Variants in NPSR1 observed in about 807,000 individuals in gnomAD.
NPSR1 encodes the protein neuropeptide S receptor 1.
NPSR1 carries 48 observed loss-of-function variants against 46.9 expected under a neutral mutation model. The observed-to-expected ratio is 1.02, with a 90% CI of 0.81 to 1.30. NPSR1 has a LOEUF of 1.30. NPSR1 is among the 50% of genes most tolerant of loss of function. NPSR1 has a pLI of 0.00. For missense variants in NPSR1, 450 were observed against 449.5 expected (o/e 1.00, Z -0.01); for synonymous variants, 176 against 168.1 (o/e 1.05, Z -0.36).
At chr7:34,874,156 G>A (rs1791524269) in intron 8 of NPSR1, among the ~76,000 whole-genome samples, 1 of 148,652 alleles carries the variant, frequency 6.7e-6, no homozygotes, top group African/African-American at 2.6e-5. Context: ...ACTAGAGGAC[G>A]GTCCTCACCC....
chr7:34,861,779 GC>G (rs1313560775), intron 8 of NPSR1, among the ~76,000 whole-genome samples: 1 of 151,876 alleles, frequency 6.6e-6, no homozygotes, highest in African/African-American at 2.4e-5. Context: ...AATTCATGAT[GC>G]ATGGTTCAGC....
At chr7:34,811,298 C>A (rs34556048) in intron 3 of NPSR1, among the ~76,000 whole-genome samples, 2 of 151,876 alleles carry the variant, frequency 1.3e-5, no homozygotes, top group African/African-American at 4.8e-5. Flanking sequence ...ATGATCTTCC[C>A]CTGGAGTTTG....
chr7:34,724,390 T>A (rs1449441592), intron 2 of NPSR1, among the ~76,000 whole-genome samples: 1 of 152,208 alleles, frequency 6.6e-6, no homozygotes, highest in Admixed American at 6.5e-5. Context: ...ATAGCTTTAC[T>A]TCCTGACATC....
chr7:34,735,681 G>A (rs139159881), intron 2 of NPSR1, among the ~76,000 whole-genome samples: 36 of 152,286 alleles, frequency 2.4e-4, no homozygotes, highest in African/African-American at 8.2e-4. Flanking sequence ...TCATTTCTTT[G>A]AAACAGTAGT....
intron 1 of NPSR1, among the ~76,000 whole-genome samples, chr7:34,658,943 A>C (rs2128667100): frequency 6.6e-6 from 1 of 152,300 alleles, no homozygotes; most frequent in Non-Finnish European, 1.5e-5. Flanking sequence ...GGAACACCAG[A>C]GATGCGGAAA....
chr7:34,827,559 A>G lies in NPSR1; in HGVS notation c.637A>G (p.Ile213Val). 2.0e-6 allele frequency: 3 copies of G among 1,473,130 alleles called. No homozygotes were observed. The highest frequency in any genetic ancestry group is 1.1e-5 in the South Asian group (1 of 89,430). The allele number at this position is 1,473,130 out of a possible 1,614,324, so 91.3% of individuals were successfully genotyped here. The change falls in exon 5 of 9, where the codon ATC (isoleucine) becomes GTC (valine). Residue 213 changes from isoleucine (I) to valine (V), a missense_variant. Ile to Val is a conservative substitution (Grantham distance 29). Coordinates refer to ENST00000360581, the MANE Select transcript of NPSR1 (RefSeq NM_207172.2). ...DDSYWTPYMTIVAFLVYFIPL... is the reference protein window; with the variant it reads ...DDSYWTPYMTVVAFLVYFIPL... ...CTCCTACTGGACCCCATACATGACC[A>G]TCGTGGCCTTCCTGGTGTACTTCAT...
chr7:34,775,674 A>G (rs1028334149), intron 2 of NPSR1, among the ~76,000 whole-genome samples: 1 of 152,098 alleles, frequency 6.6e-6, no homozygotes, highest in Admixed American at 6.6e-5. Flanking sequence ...CATTTCAAAA[A>G]TCCAACTTTT....
In NPSR1 at chr7:34,751,106, G is replaced by T. The variant is rs1785499019; in HGVS notation, c.281-27356G>T. ...TCACCATGTCCTTGAGGATCAGGTG[G>T]AGTCATCACCAGCCCCACTGTTTTC... On this transcript the variant is annotated intron_variant, in intron 2 of 8. Transcript: ENST00000360581. 3.7e-6 allele frequency: 3 copies of T among 813,268 alleles called. No individual in the cohort carries two copies. In the South Asian group the frequency reaches 4.0e-5, roughly 11 times the overall value. 50.4% of individuals were successfully genotyped at this position (813,268 alleles called of 1,614,324 possible).
intron 2 of NPSR1, among the ~76,000 whole-genome samples, chr7:34,756,392 G>C (rs147782140): frequency 6.6e-6 from 1 of 152,166 alleles, no homozygotes; most frequent in African/African-American, 2.4e-5. Context: ...TGTCACAACC[G>C]ATCTGGATCC....
intron 2 of NPSR1, among the ~76,000 whole-genome samples, chr7:34,736,979 C>G (rs1784706488): frequency 6.7e-6 from 1 of 148,716 alleles, no homozygotes; most frequent in South Asian, 2.1e-4. Flanking sequence ...CTCGCACTGC[C>G]CTGAACTCTT....
At position 34,848,482 on chromosome 7, in the gene NPSR1, G is replaced by A. The variant is rs376293565; in HGVS notation, c.845-1G>A. 98 of 1,613,708 alleles carry A rather than the reference G, an allele frequency of 6.1e-5. No individual in the cohort carries two copies. Among genetic ancestry groups the A allele is most frequent in the Non-Finnish European group, 7.6e-5 (90 of 1,179,856 alleles). Reference sequence around the variant, plus strand: ...ATGCTAATGGCTCTCTTCTCCCCCAGCCTTCATCTGCTGTTGGAGTCCATA... The same window carrying A: ...ATGCTAATGGCTCTCTTCTCCCCCAACCTTCATCTGCTGTTGGAGTCCATA... On this transcript the variant is annotated splice_acceptor_variant, in intron 7 of 8. Coordinates refer to ENST00000360581, the MANE Select transcript of NPSR1 (RefSeq NM_207172.2). LOFTEE classifies it high-confidence loss of function.
chr7:34,667,861 C>G (rs1791830334), intron 1 of NPSR1, among the ~76,000 whole-genome samples: 1 of 152,040 alleles, frequency 6.6e-6, no homozygotes, highest in Non-Finnish European at 1.5e-5. Context: ...CACCATCCCT[C>G]TTTTATCTCA....
intron 2 of NPSR1, among the ~76,000 whole-genome samples, chr7:34,714,877 A>T (rs540614745): frequency 1.3e-5 from 2 of 152,362 alleles, no homozygotes; most frequent in South Asian, 2.1e-4. Context: ...GACCACAAGC[A>T]TATCTATAAG....
At chr7:34,862,565 C>T (rs1791214406) in intron 8 of NPSR1, among the ~76,000 whole-genome samples, 2 of 151,838 alleles carry the variant, frequency 1.3e-5, no homozygotes, top group Middle Eastern at 3.4e-3. Flanking sequence ...CTTTCTTTGC[C>T]TGGATGGACC....
intron 3 of NPSR1, among the ~76,000 whole-genome samples, chr7:34,810,414 T>C (rs1008517425): frequency 1.3e-5 from 2 of 152,098 alleles, no homozygotes; most frequent in African/African-American, 2.4e-5. Context: ...CTGCTAATTA[T>C]GCAAAAAAAG....
chr7:34,666,847 G>A (rs2128671695), intron 1 of NPSR1, among the ~76,000 whole-genome samples: 1 of 152,208 alleles, frequency 6.6e-6, no homozygotes, highest in Non-Finnish European at 1.5e-5. Flanking sequence ...AGATTGAATA[G>A]ATTCTTATAA....
At chr7:34,858,222 T>C (rs1791094159) in intron 8 of NPSR1, among the ~76,000 whole-genome samples, 1 of 151,752 alleles carries the variant, frequency 6.6e-6, no homozygotes, top group Non-Finnish European at 1.5e-5. Flanking sequence ...ATGTGCACCA[T>C]AATAGATATG....
chr7:34,818,810 A>C (rs1274010126), intron 4 of NPSR1, among the ~76,000 whole-genome samples: 3 of 152,168 alleles, frequency 2.0e-5, no homozygotes, highest in Admixed American at 6.5e-5. Context: ...CAAAAACAAG[A>C]AATGGGGAAA....
rs1203227101 is a variant in NPSR1 at position 34,792,050 on chromosome 7, C to CAA, written c.384+13486_384+13487insAA. On this transcript the variant is annotated intron_variant, in intron 3 of 8. Transcript: ENST00000360581. The stretch of plus-strand genomic sequence containing the variant: ...AATTTAACCCTTAACTTATACAATA[C>CAA]AGAAAAAAATCAACTCAAAACAGAT... Among the ~76,000 whole-genome samples the CAA allele has an allele frequency of 3.4e-3, 514 of 152,074 alleles. 3 individuals are homozygous for CAA. Among genetic ancestry groups the CAA allele is most frequent in the African/African-American group, 0.012 (499 of 41,496 alleles).
Sources: allele counts gnomAD v4.1 joint callset (sites outside exome capture counted in the v4.1 genomes callset), GRCh38; gene constraint gnomAD v4.1.1; transcripts MANE v1.5; gene names NCBI Gene and HGNC (gene_info 2026-07-23, HGNC 2026-07-21).